SASH1: variants seen among roughly 807,000 people sequenced by gnomAD.
SASH1 encodes SAM and SH3 domain-containing protein 1.
In SASH1, 44 loss-of-function variants were observed where a neutral mutation model predicts 125.2. The ratio of observed to expected loss-of-function variants is 0.35; its 90% CI spans 0.28 to 0.45. The LOEUF (loss-of-function observed/expected upper bound fraction) is 0.45. Among genes scored for constraint, SASH1 ranks in the 20% least tolerant of loss-of-function variants. The probability of loss-of-function intolerance (pLI) is 1.00; values close to 1 mark genes in which losing one functional copy is unlikely to be tolerated. For synonymous variants in SASH1, 639 were observed against 649.1 expected (o/e 0.98, Z 0.24); for missense variants, 1,426 against 1,614.5 (o/e 0.88, Z 2.00).
At chr6:148,452,532 G>C (rs1181673588) in intron 4 of SASH1, among the ~76,000 whole-genome samples, 1 of 152,218 alleles carries the variant, frequency 6.6e-6, no homozygotes, top group Non-Finnish European at 1.5e-5. Context: ...ATCTGAGCGT[G>C]AGTTTACGCT....
the SASH1 span, among the ~76,000 whole-genome samples, chr6:148,222,922 C>G: frequency 6.6e-6 from 1 of 152,078 alleles, no homozygotes; most frequent in African/African-American, 2.4e-5. Context: ...TTAGTTACAC[C>G]TACCGGACCT....
In SASH1 at chr6:148,527,994, G is replaced by T. The variant is rs966631954; in HGVS notation, c.1428+398G>T. ...ACCTAAAGCTTTTTTTTTTTGGGGG[G>T]GGGGGTGGCAGTAGACTTGTCGATC... On this transcript the variant is annotated intron_variant, in intron 12 of 19. Coordinates refer to ENST00000367467, the MANE Select transcript of SASH1 (RefSeq NM_015278.5). Among the ~76,000 whole-genome samples, 294 of 141,944 alleles carry T rather than the reference G, an allele frequency of 2.1e-3. 7 individuals carry two copies. The highest frequency in any genetic ancestry group is 9.7e-3 in the Admixed American group (139 of 14,382). The allele number at this position is 141,944 out of a possible 152,430, so 93.1% of individuals were successfully genotyped here.
chr6:148,484,593 A>T (rs11963259), intron 7 of SASH1, among the ~76,000 whole-genome samples: 1 of 150,986 alleles, frequency 6.6e-6, no homozygotes, highest in Admixed American at 6.6e-5. Context: ...AAAAAAAAAT[A>T]GAGAGCTTGT....
the SASH1 span, among the ~76,000 whole-genome samples, chr6:148,230,159 C>T: frequency 2.6e-5 from 4 of 152,220 alleles, no homozygotes; most frequent in South Asian, 8.3e-4. Flanking sequence ...TGAAATTACA[C>T]GATATGTGGT....
the SASH1 span, among the ~76,000 whole-genome samples, chr6:148,232,987 G>A: frequency 1.3e-5 from 2 of 152,168 alleles, no homozygotes; most frequent in South Asian, 4.1e-4. Context: ...AGGCCAAGGT[G>A]GGCGGATCAC....
At chr6:148,530,978 A>ATGTT (rs1165817091) in intron 12 of SASH1, among the ~76,000 whole-genome samples, 1 of 152,204 alleles carries the variant, frequency 6.6e-6, no homozygotes, top group East Asian at 1.9e-4. Context: ...GGAAAATAGT[A>ATGTT]TGTTTGCTGT....
chr6:148,469,681 T>A (rs142491454), intron 5 of SASH1, among the ~76,000 whole-genome samples: 28 of 152,264 alleles, frequency 1.8e-4, no homozygotes, highest in Middle Eastern at 3.4e-3. Context: ...TACAGTGAGC[T>A]GTGATTGCAC....
Position 148,532,178 on chromosome 6 carries a change from A to G in SASH1, c.1564+517A>G, listed in dbSNP as rs943939005. On this transcript the variant is annotated intron_variant, in intron 13 of 19. Transcript: ENST00000367467. The surrounding 1 kb of genome is among the most constrained non-coding windows in gnomAD (Gnocchi z 4.7). ...CTGCAACCTTCACCTCCCTGGCTCAAGGGATCCTCCTGCCTCAGCCTTCCG... is the reference window on the plus strand; with the variant it reads ...CTGCAACCTTCACCTCCCTGGCTCAGGGGATCCTCCTGCCTCAGCCTTCCG... Among the ~76,000 whole-genome samples the G allele has an allele frequency of 6.6e-6, 1 of 152,098 alleles. No homozygotes were observed. The highest frequency in any genetic ancestry group is 1.5e-5 in the Non-Finnish European group (1 of 68,020).
At chr6:148,401,807 T>A (rs1784180141) in intron 2 of SASH1, among the ~76,000 whole-genome samples, 1 of 152,088 alleles carries the variant, frequency 6.6e-6, no homozygotes. Flanking sequence ...TGTTTTTTTT[T>A]AGTGTGTGCA....
At chr6:148,440,266 G>A (rs1469803698) in intron 3 of SASH1, 32 bp downstream of exon 3, 2 of 1,612,308 alleles carry the variant, frequency 1.2e-6, no homozygotes, top group Non-Finnish European at 1.7e-6. Flanking sequence ...ATCTAGTTTT[G>A]CTTCTGCCTT....
At chr6:148,393,541 C>G (rs1271527116) in intron 2 of SASH1, 1 of 199,248 alleles carries the variant, frequency 5.0e-6, no homozygotes, top group Non-Finnish European at 9.0e-6. Context: ...ATCATCATCC[C>G]ATGGTGTTTG....
chr6:148,303,998 A>G (rs1485076091), intron 1 of SASH1, among the ~76,000 whole-genome samples: 1 of 151,900 alleles, frequency 6.6e-6, no homozygotes, highest in Admixed American at 6.6e-5. Context: ...AGGAAGAAAG[A>G]TCTCAAATTA....
At position 148,533,727 on chromosome 6, in the gene SASH1, A is replaced by G. The variant is rs1781663766; in HGVS notation, c.1735-44A>G. On this transcript the variant is annotated intron_variant, in intron 14 of 19. Coordinates refer to ENST00000367467, the MANE Select transcript of SASH1 (RefSeq NM_015278.5). The surrounding 1 kb of genome is among the most constrained non-coding windows in gnomAD (Gnocchi z 6.2). ...TGACAGATTCTTGATTTGTACGTTC[A>G]TGGAATGTACCTAATGGAAAGATCT... 2 of 1,538,164 alleles carry G rather than the reference A, an allele frequency of 1.3e-6. No homozygotes were observed. Among genetic ancestry groups the G allele is most frequent in the Admixed American group, 1.7e-5 (1 of 58,726 alleles).
intron 19 of SASH1, among the ~76,000 whole-genome samples, chr6:148,546,395 G>A (rs1782573536): frequency 3.3e-5 from 5 of 152,208 alleles, no homozygotes; most frequent in South Asian, 2.1e-4. Flanking sequence ...AGTGCTGGGC[G>A]TGATAGTGCA....
chr6:148,354,234 A>G (rs1781842332), intron 1 of SASH1, among the ~76,000 whole-genome samples: 1 of 152,226 alleles, frequency 6.6e-6, no homozygotes, highest in African/African-American at 2.4e-5. Context: ...TGAATAGCCA[A>G]GATTTTCTGA....
chr6:148,459,661 G>A (rs1208657735), intron 4 of SASH1, among the ~76,000 whole-genome samples: 2 of 152,052 alleles, frequency 1.3e-5, no homozygotes, highest in Non-Finnish European at 2.9e-5. Flanking sequence ...TTTGAAGAAG[G>A]ACTGAGGATG....
intron 1 of SASH1, among the ~76,000 whole-genome samples, chr6:148,333,569 T>TTGC (rs1781057153): frequency 6.6e-6 from 1 of 151,464 alleles, no homozygotes; most frequent in African/African-American, 2.4e-5. Context: ...GTTGTCGCTG[T>TTGC]TGTTGTTGTT....
chr6:148,401,741 T>C (rs1223944819), intron 2 of SASH1, among the ~76,000 whole-genome samples: 12 of 152,056 alleles, frequency 7.9e-5, no homozygotes, highest in Admixed American at 6.6e-4. Context: ...CCAAACCAAA[T>C]TGGAAGCACA....
At chr6:148,204,704 T>C in the SASH1 span, among the ~76,000 whole-genome samples, 1 of 150,022 alleles carries the variant, frequency 6.7e-6, no homozygotes, top group Non-Finnish European at 1.5e-5. Context: ...AAAACAAAAA[T>C]ACAAACAAAA....
Sources: allele counts gnomAD v4.1 joint callset (sites outside exome capture counted in the v4.1 genomes callset), GRCh38; gene constraint gnomAD v4.1.1; non-coding constraint Gnocchi (gnomAD v3.1); transcripts MANE v1.5; gene names NCBI Gene and HGNC (gene_info 2026-07-23, HGNC 2026-07-21).